PTK2B: variants seen among roughly 807,000 people sequenced by gnomAD.
The protein encoded by PTK2B is protein tyrosine kinase 2 beta.
A neutral mutation model predicts 142.9 loss-of-function variants in PTK2B; 71 were observed. That is an observed-to-expected ratio of 0.50 (90% CI 0.41 to 0.61). The LOEUF is 0.61. Ranked by LOEUF, PTK2B falls within the 20% of genes least tolerant of loss-of-function variation. PTK2B has a pLI of 0.00. For missense variants in PTK2B, 1,105 were observed against 1,320.4 expected, an observed-to-expected ratio of 0.84 and a Z score of 2.53; for synonymous variants, 519 against 503.4, an observed-to-expected ratio of 1.03 and a Z score of -0.42.
chr8:27,439,011 T>C lies in PTK2B; in HGVS notation c.1644-20T>C. On this transcript the variant is annotated intron_variant, in intron 18 of 30. Transcript: ENST00000346049. ...GGGGGTGGGCAGTGCCTCATCCTGG[T>C]CTTGATGCCCTTCTTCCAGGGACAT... 1 of 1,601,188 alleles carries C rather than the reference T, an allele frequency of 6.2e-7. No homozygotes were observed. The highest frequency in any genetic ancestry group is 8.6e-7 in the Non-Finnish European group (1 of 1,168,272).
intron 1 of PTK2B, among the ~76,000 whole-genome samples, chr8:27,335,382 T>C (rs1388976168): frequency 6.6e-6 from 1 of 152,022 alleles, no homozygotes; most frequent in Non-Finnish European, 1.5e-5. Flanking sequence ...CACCTGAAGT[T>C]GGGAGTTTGA....
chr8:27,329,613 G>A (rs1157775096), intron 1 of PTK2B, among the ~76,000 whole-genome samples: 1 of 152,144 alleles, frequency 6.6e-6, no homozygotes, highest in Non-Finnish European at 1.5e-5. Context: ...CGACGTGCCC[G>A]GGGCTGAAAG....
At chr8:27,376,521 G>A (rs909503470) in intron 1 of PTK2B, among the ~76,000 whole-genome samples, 1 of 152,206 alleles carries the variant, frequency 6.6e-6, no homozygotes, top group Non-Finnish European at 1.5e-5. Context: ...GACCTATTGT[G>A]TTGCATTCCC....
chr8:27,336,192 G>A (rs998573361), intron 1 of PTK2B, among the ~76,000 whole-genome samples: 1 of 152,148 alleles, frequency 6.6e-6, no homozygotes, highest in Non-Finnish European at 1.5e-5. Context: ...GAAGATATGT[G>A]TAATTCTTAC....
chr8:27,383,852 A>ATTTTTTTTTTTTTTTTTTTTTTTT (rs749255419), intron 1 of PTK2B, among the ~76,000 whole-genome samples: 2 of 116,594 alleles, frequency 1.7e-5, no homozygotes, highest in Non-Finnish European at 3.7e-5. Flanking sequence ...CACCTGGCTA[A>ATTTTTTTTTTTTTTTTTTTTTTTT]TTTTTTTTTT....
intron 3 of PTK2B, among the ~76,000 whole-genome samples, chr8:27,314,671 C>A (rs138386838): frequency 9.6e-4 from 147 of 152,342 alleles, no homozygotes; most frequent in African/African-American, 3.1e-3. Flanking sequence ...GTAATGGGGC[C>A]TTTGAGCCCC....
At position 27,354,863 on chromosome 8, in the gene PTK2B, A is replaced by G. The variant is rs561213047; in HGVS notation, c.-38+29182A>G. Among the ~76,000 whole-genome samples, 14 of 152,206 alleles carry G rather than the reference A, an allele frequency of 9.2e-5. No individual in the cohort carries two copies. In the South Asian group the frequency reaches 1.7e-3, roughly 18 times the overall value. ...TCTCCTGGGCTGGAACCCAATGTCA[A>G]TATTAGGGATGGTCTTCCGACGGAA... On this transcript the variant is annotated intron_variant, in intron 1 of 30. Coordinates refer to ENST00000346049, the MANE Select transcript of PTK2B (RefSeq NM_173176.3).
chr8:27,365,577 C>T (rs1805972697), intron 1 of PTK2B, among the ~76,000 whole-genome samples: 1 of 152,190 alleles, frequency 6.6e-6, no homozygotes. Context: ...ACCTCTGTGG[C>T]ACTGAGAGAG....
intron 4 of PTK2B, 74 bp downstream of exon 4, chr8:27,420,818 T>C: frequency 7.4e-7 from 1 of 1,355,196 alleles, no homozygotes. Flanking sequence ...CGTTCTCTCC[T>C]AGGGAGATGG....
At chr8:27,318,963 CT>C (rs1803149140) in intron 3 of PTK2B, among the ~76,000 whole-genome samples, 1 of 149,418 alleles carries the variant, frequency 6.7e-6, no homozygotes, top group South Asian at 2.1e-4. Context: ...TCGTGTTGTT[CT>C]TTAATGGAAC....
intron 5 of PTK2B, among the ~76,000 whole-genome samples, chr8:27,423,953 A>G (rs935486770): frequency 2.0e-5 from 3 of 152,190 alleles, no homozygotes; most frequent in African/African-American, 7.2e-5. Flanking sequence ...AGCCCAGCTC[A>G]CTGCCATTAG....
At chr8:27,425,070 T>A (rs1374985661) in intron 5 of PTK2B, among the ~76,000 whole-genome samples, 1 of 131,900 alleles carries the variant, frequency 7.6e-6, no homozygotes, top group African/African-American at 3.0e-5. Context: ...CACGTTGTGT[T>A]ACTATAAAAC....
At chr8:27,429,491 C>T (rs1268650501) in intron 5 of PTK2B, among the ~76,000 whole-genome samples, 3 of 152,154 alleles carry the variant, frequency 2.0e-5, no homozygotes, top group Admixed American at 2.0e-4. Context: ...GCCACAATTG[C>T]ATAAAAGTAT....
intron 2 of PTK2B, among the ~76,000 whole-genome samples, chr8:27,312,866 G>C (rs1803010825): frequency 6.6e-6 from 1 of 152,200 alleles, no homozygotes; most frequent in East Asian, 1.9e-4. Context: ...CCCGATTCCA[G>C]AGAGGGTCCT....
intron 1 of PTK2B, among the ~76,000 whole-genome samples, chr8:27,350,246 G>A (rs994531606): frequency 2.0e-5 from 3 of 152,160 alleles, no homozygotes; most frequent in African/African-American, 7.2e-5. Context: ...AATTTAAAAA[G>A]GCGTAACGTA....
intron 1 of PTK2B, among the ~76,000 whole-genome samples, chr8:27,372,109 T>C (rs143632265): frequency 1.2e-3 from 187 of 152,380 alleles, no homozygotes; most frequent in African/African-American, 4.4e-3. Context: ...ATTGTGACTA[T>C]ATTCAACACT....
At chr8:27,344,509 A>G (rs1804599266) in intron 1 of PTK2B, among the ~76,000 whole-genome samples, 1 of 152,220 alleles carries the variant, frequency 6.6e-6, no homozygotes, top group African/African-American at 2.4e-5. Flanking sequence ...TATATAAAGC[A>G]CTTAGCATTC....
rs765038455 is a variant in PTK2B at position 27,431,003 on chromosome 8, G to A, written c.797G>A (p.Arg266His). 6 of 1,613,700 alleles carry A rather than the reference G, an allele frequency of 3.7e-6. No individual in the cohort carries two copies. Among genetic ancestry groups the A allele is most frequent in the Non-Finnish European group, 5.1e-6 (6 of 1,179,778 alleles). The change falls in exon 8 of 31, where the codon CGC becomes CAC. Residue 266 changes from arginine to histidine, a missense_variant. By Grantham distance (29) the Arg-to-His change is conservative (BLOSUM62 0). Coordinates refer to ENST00000346049, the MANE Select transcript of PTK2B (RefSeq NM_173176.3). ...GCCAACATCGACCAGGAGACCTACC[G>A]CTGTGAACTCATTGTAATGGCGGGC... ...GFANIDQETYRCELIQGWNIT... is the reference protein window; with the variant it reads ...GFANIDQETYHCELIQGWNIT...
At chr8:27,320,060 G>A (rs1317710954) in intron 3 of PTK2B, among the ~76,000 whole-genome samples, 3 of 152,178 alleles carry the variant, frequency 2.0e-5, no homozygotes, top group African/African-American at 7.2e-5. Flanking sequence ...GCGCATTGGG[G>A]TGGAGCCACA....
Sources: allele counts gnomAD v4.1 joint callset (sites outside exome capture counted in the v4.1 genomes callset), GRCh38; gene constraint gnomAD v4.1.1; transcripts MANE v1.5; gene names NCBI Gene and HGNC (gene_info 2026-07-23, HGNC 2026-07-21).